The following MYO9A variants were observed in gnomAD, a reference collection of about 807,000 sequenced individuals.
The protein encoded by MYO9A is unconventional myosin-IXa.
MYO9A carries 103 observed loss-of-function variants against 293.3 expected under a neutral mutation model. That is an observed-to-expected ratio of 0.35 (90% CI 0.30 to 0.41). MYO9A has a LOEUF of 0.41. Ranked by LOEUF, MYO9A falls within the 10% of genes least tolerant of loss-of-function variation. The pLI, the probability that MYO9A is intolerant of heterozygous loss-of-function variation, is 1.00. For missense variants in MYO9A, 2,685 were observed against 3,033.0 expected, an observed-to-expected ratio of 0.89 and a Z score of 2.69; for synonymous variants, 1,001 against 1,035.7, an observed-to-expected ratio of 0.97 and a Z score of 0.64.
At chr15:72,027,885 C>A in intron 3 of MYO9A, 92 bp from the exon 4 acceptor site, 1 of 910,304 alleles carries the variant, frequency 1.1e-6, no homozygotes, top group Non-Finnish European at 1.7e-6. Flanking sequence ...ATAAAGAATA[C>A]TATCCAGATC....
chr15:71,975,303 CGTGTGT>C (rs3028361), intron 12 of MYO9A, among the ~76,000 whole-genome samples: 1 of 143,682 alleles, frequency 7.0e-6, no homozygotes, highest in African/African-American at 2.6e-5. Context: ...ATGATTTTAT[CGTGTGT>C]GTGTGTGTGT....
chr15:71,920,222 T>A (rs954860078), intron 18 of MYO9A, among the ~76,000 whole-genome samples: 7 of 152,236 alleles, frequency 4.6e-5, no homozygotes, highest in African/African-American at 1.7e-4. Context: ...AGTTTATTAT[T>A]TTTTTCAACA....
chr15:71,988,919 G>C (rs2957746), intron 11 of MYO9A, among the ~76,000 whole-genome samples: 102,051 of 151,876 alleles, frequency 0.67, 35,055 homozygotes, highest in Middle Eastern at 0.74. Context: ...TTTTGAGATA[G>C]AGTCTCACTC....
chr15:71,962,068 C>T (rs1001682925), intron 13 of MYO9A, among the ~76,000 whole-genome samples: 2 of 152,046 alleles, frequency 1.3e-5, no homozygotes, highest in Non-Finnish European at 2.9e-5. Flanking sequence ...TGTAAATAGG[C>T]AGGGACAACC....
rs1410248898 is a variant in MYO9A at position 71,826,668 on chromosome 15, A to T, written c.7559T>A (p.Val2520Asp). Reference sequence around the variant, plus strand: ...CACAGTTTTTCTGCGGCCAGACATGACTGTCCCCTCTGGGGTCTCTTTGGT... The same window carrying T: ...CACAGTTTTTCTGCGGCCAGACATGTCTGTCCCCTCTGGGGTCTCTTTGGT... The part of the protein sequence containing the change: ...QKTKETPEGT[V>D]MSGRRKTVDP... The change falls in exon 42 of 42, where the codon GTC (valine) becomes GAC (aspartate). Residue 2520 changes from valine (V) to aspartate (D), a missense_variant. Val to Asp is a radical substitution (Grantham distance 152). Around this residue, in one of 10 missense-constraint regions of MYO9A, gnomAD observed 350 missense variants for 328.9 expected, o/e 1.06. Coordinates refer to ENST00000356056, the MANE Select transcript of MYO9A (RefSeq NM_006901.4). 6.2e-7 allele frequency: 1 copy of T among 1,613,874 alleles called. No individual in the cohort carries two copies. Among genetic ancestry groups the T allele is most frequent in the East Asian group, 2.2e-5 (1 of 44,888 alleles).
At chr15:72,010,513 G>A (rs1326679502) in intron 6 of MYO9A, 66 bp from the exon 7 acceptor site, 1 of 1,381,828 alleles carries the variant, frequency 7.2e-7, no homozygotes, top group East Asian at 2.5e-5. Context: ...GGGCCATTCA[G>A]AAATATGGTA....
At chr15:71,956,350 TAA>T (rs1555490947) in intron 14 of MYO9A, among the ~76,000 whole-genome samples, 2 of 121,178 alleles carry the variant, frequency 1.7e-5, no homozygotes, top group African/African-American at 6.6e-5. Context: ...TATATATATA[TAA>T]AATACGCCCA....
rs375209044 is a variant in MYO9A, at chr15:71,830,302, G to T, written c.6847C>A (p.Arg2283Ser). ...CCTGGATAGTTTCCTCGACGAATAC[G>T]CCCCTTTCCCTGCAGAGAAAAATTC... ...SLIRRSMGKG[R>S]IRRGNYPGPS... The change falls in exon 40 of 42, where the codon CGT becomes AGT. Residue 2283 changes from arginine (R) to serine (S), a missense_variant. Coordinates refer to ENST00000356056, the MANE Select transcript of MYO9A (RefSeq NM_006901.4). 6.2e-7 allele frequency: 1 copy of T among 1,613,232 alleles called. No individual in the cohort carries two copies. The highest frequency in any genetic ancestry group is 8.5e-7 in the Non-Finnish European group (1 of 1,179,870).
At chr15:71,830,458 G>GT (rs1227653829) in intron 39 of MYO9A, 147 bp from the exon 40 acceptor site, 6 of 766,996 alleles carry the variant, frequency 7.8e-6, no homozygotes, top group Non-Finnish European at 1.3e-5. Context: ...GATATTTAGT[G>GT]AGACATATTC....
chr15:71,989,641 C>T (rs2076487798), intron 11 of MYO9A, among the ~76,000 whole-genome samples: 2 of 152,084 alleles, frequency 1.3e-5, no homozygotes, highest in South Asian at 2.1e-4. Flanking sequence ...TGTTTCCAAA[C>T]CCCTGTGTGA....
intron 2 of MYO9A, among the ~76,000 whole-genome samples, chr15:72,038,115 T>C (rs2078112536): frequency 6.6e-6 from 1 of 151,934 alleles, no homozygotes; most frequent in Admixed American, 6.6e-5. Flanking sequence ...AGAGACAGGG[T>C]CTCACCCATG....
At chr15:72,069,963 CAA>C (rs34461691) in intron 1 of MYO9A, among the ~76,000 whole-genome samples, 2 of 134,242 alleles carry the variant, frequency 1.5e-5, no homozygotes, top group Non-Finnish European at 3.2e-5. Context: ...ACTAAAAATA[CAA>C]AAAAAAAAAA....
At chr15:71,909,573 C>A (rs768070557) in intron 19 of MYO9A, among the ~76,000 whole-genome samples, 9 of 152,206 alleles carry the variant, frequency 5.9e-5, no homozygotes, top group Non-Finnish European at 1.2e-4. Flanking sequence ...CCCCTCCCCT[C>A]TGTTCAATAT....
chr15:71,859,458 A>G (rs1157283579), intron 34 of MYO9A, among the ~76,000 whole-genome samples: 1 of 152,236 alleles, frequency 6.6e-6, no homozygotes, highest in African/African-American at 2.4e-5. Flanking sequence ...TGAAACCTCA[A>G]TGCAGTGTTC....
At chr15:71,829,682 G>A (rs569792841) in intron 40 of MYO9A, among the ~76,000 whole-genome samples, 1 of 152,082 alleles carries the variant, frequency 6.6e-6, no homozygotes, top group East Asian at 1.9e-4. Context: ...ATTCTTGAAA[G>A]GGACTTTGGC....
intron 8 of MYO9A, among the ~76,000 whole-genome samples, chr15:72,003,703 CAAAA>C (rs397738256): frequency 1.2e-5 from 1 of 86,514 alleles, no homozygotes; most frequent in Admixed American, 1.2e-4. Context: ...GACTCCGTCT[CAAAA>C]AAAAAAAAAA....
intron 12 of MYO9A, among the ~76,000 whole-genome samples, chr15:71,975,133 T>C (rs779093881): frequency 1.6e-4 from 24 of 152,164 alleles, no homozygotes; most frequent in Admixed American, 1.4e-3. Flanking sequence ...CAAACTTGAG[T>C]GGTCTCTCCC....
intron 1 of MYO9A, among the ~76,000 whole-genome samples, chr15:72,108,922 C>T (rs1171842452): frequency 6.6e-6 from 1 of 151,910 alleles, no homozygotes; most frequent in Non-Finnish European, 1.5e-5. Context: ...ACCACCACGC[C>T]CAGCTAATTT....
intron 1 of MYO9A, among the ~76,000 whole-genome samples, chr15:72,105,845 A>C (rs1464558226): frequency 1.3e-5 from 2 of 152,154 alleles, no homozygotes; most frequent in African/African-American, 4.8e-5. Flanking sequence ...TTCAATATGT[A>C]TTACTTACAC....
Sources: allele counts gnomAD v4.1 joint callset (sites outside exome capture counted in the v4.1 genomes callset), GRCh38; gene constraint gnomAD v4.1.1; regional missense constraint gnomAD v4.1.1; transcripts MANE v1.5; gene names NCBI Gene and HGNC (gene_info 2026-07-23, HGNC 2026-07-21).